EVL: variants seen among roughly 807,000 people sequenced by gnomAD.
EVL encodes Enah/Vasp-like.
In EVL, 21 loss-of-function variants were observed where a neutral mutation model predicts 59.6. The ratio of observed to expected loss-of-function variants is 0.35; its 90% CI spans 0.25 to 0.51. The LOEUF is 0.51. EVL is among the 20% of genes least tolerant of loss of function. The pLI is 0.97. For synonymous variants in EVL, 198 were observed against 203.5 expected, an observed-to-expected ratio of 0.97 and a Z score of 0.23; for missense variants, 462 against 546.6, an observed-to-expected ratio of 0.85 and a Z score of 1.54.
chr14:100,057,939 C>T (rs1185021434), intron 1 of EVL, among the ~76,000 whole-genome samples: 2 of 152,208 alleles, frequency 1.3e-5, no homozygotes, highest in African/African-American at 4.8e-5. Flanking sequence ...GACACAAGGG[C>T]TTTGTACTCA....
chr14:99,980,866 G>A (rs2060801432), intron 1 of EVL, among the ~76,000 whole-genome samples: 2 of 152,228 alleles, frequency 1.3e-5, no homozygotes, highest in African/African-American at 4.8e-5. Context: ...TGGTGATTTT[G>A]TTTGTATTTA....
intron 3 of EVL, among the ~76,000 whole-genome samples, chr14:100,099,193 A>G (rs868090826): frequency 6.6e-6 from 1 of 151,928 alleles, no homozygotes; most frequent in Non-Finnish European, 1.5e-5. Flanking sequence ...AAAAAAAAAA[A>G]AAAAAAGAAA....
At chr14:100,104,673 CATAACAGTT>C (rs1381703454) in intron 3 of EVL, among the ~76,000 whole-genome samples, 1 of 152,206 alleles carries the variant, frequency 6.6e-6, no homozygotes, top group African/African-American at 2.4e-5. Context: ...TAAAAATAGT[CATAACAGTT>C]ACCAGTCCTC....
chr14:100,136,599 G>A (rs1888806618), intron 9 of EVL, among the ~76,000 whole-genome samples: 1 of 152,084 alleles, frequency 6.6e-6, no homozygotes, highest in African/African-American at 2.4e-5. Flanking sequence ...GGAGAGACAG[G>A]GGCATCAGGC....
chr14:100,038,672 A>G (rs2061422334), intron 1 of EVL, among the ~76,000 whole-genome samples: 1 of 152,046 alleles, frequency 6.6e-6, no homozygotes, highest in South Asian at 2.1e-4. Flanking sequence ...CTAGAACTTC[A>G]CTGATATCCC....
rs181065529 is a variant in EVL, at chr14:99,979,074, C to A, written c.5+7017C>A. Reference sequence around the variant, plus strand: ...TATTTTCATATTTTCATTGAGAAATCGTTTTTTGAAGGCTTACTGTTGTCT... The same window carrying A: ...TATTTTCATATTTTCATTGAGAAATAGTTTTTTGAAGGCTTACTGTTGTCT... On this transcript the variant is annotated intron_variant, in intron 1 of 13. Transcript: ENST00000402714. 1.1e-3 allele frequency among the ~76,000 whole-genome samples: 173 copies of A among 152,164 alleles called. 1 individual carries two copies. Among genetic ancestry groups the A allele is most frequent in the Middle Eastern group, 6.8e-3 (2 of 294 alleles).
At chr14:100,056,157 A>G (rs1756196366) in intron 1 of EVL, among the ~76,000 whole-genome samples, 2 of 151,626 alleles carry the variant, frequency 1.3e-5, no homozygotes, top group South Asian at 4.2e-4. Flanking sequence ...TGACCCTTTC[A>G]GTCTTGAGCT....
In EVL at chr14:100,048,596, A is replaced by G. The variant is rs553944337; in HGVS notation, c.6-36091A>G. Among the ~76,000 whole-genome samples, 5 of 152,336 alleles carry G rather than the reference A, an allele frequency of 3.3e-5. No individual in the cohort carries two copies. The South Asian group carries it at 8.3e-4, about 25-fold the overall frequency. ...TTATAAAGTTTTACATACAGTTAAC[A>G]TATAACCCAGCAATCCTACATAGTC... On this transcript the variant is annotated intron_variant, in intron 1 of 13. Coordinates refer to the EVL transcript ENST00000402714.
upstream of EVL, among the ~76,000 whole-genome samples, chr14:100,064,864 C>T (rs1400518735): frequency 6.6e-6 from 1 of 152,162 alleles, no homozygotes; most frequent in Non-Finnish European, 1.5e-5. Context: ...GAGCCAAGAT[C>T]GTGCCATTGC....
intron 3 of EVL, chr14:100,102,229 C>A (rs1366011875): frequency 7.0e-5 from 32 of 455,546 alleles, no homozygotes; most frequent in Non-Finnish European, 1.8e-5. Flanking sequence ...GTACCTTTGA[C>A]AAGTGCAGCG....
intron 1 of EVL, among the ~76,000 whole-genome samples, chr14:100,030,739 C>T (rs1284659855): frequency 6.6e-6 from 1 of 152,188 alleles, no homozygotes; most frequent in Non-Finnish European, 1.5e-5. Context: ...TAATAAGTTC[C>T]TTGCAGTTGA....
chr14:100,087,998 C>A (rs2062483631), intron 2 of EVL, among the ~76,000 whole-genome samples: 1 of 152,148 alleles, frequency 6.6e-6, no homozygotes, highest in South Asian at 2.1e-4. Flanking sequence ...CTGAAGGGTT[C>A]CATGTGGAAG....
At chr14:100,019,722 G>A in intron 1 of EVL, 1 of 1,528,356 alleles carries the variant, frequency 6.5e-7, no homozygotes, top group South Asian at 1.2e-5. Context: ...GTCTGCTGCT[G>A]GCTTTTTGTT....
intron 3 of EVL, among the ~76,000 whole-genome samples, chr14:100,099,542 C>T (rs1420290393): frequency 6.6e-6 from 1 of 152,132 alleles, no homozygotes; most frequent in Non-Finnish European, 1.5e-5. Context: ...CTGCTTAGTA[C>T]TTGGAGAGCA....
intron 1 of EVL, among the ~76,000 whole-genome samples, chr14:99,997,857 A>G (rs991989109): frequency 2.0e-5 from 3 of 152,094 alleles, no homozygotes; most frequent in Non-Finnish European, 2.9e-5. Flanking sequence ...GAAATACTCT[A>G]TACAGTTCCC....
At chr14:100,043,265 G>A (rs913208880) in intron 1 of EVL, among the ~76,000 whole-genome samples, 4 of 151,092 alleles carry the variant, frequency 2.6e-5, no homozygotes, top group South Asian at 2.1e-4. Flanking sequence ...ATGTGTGTGT[G>A]TATATATATA....
At chr14:100,137,882 C>A in intron 11 of EVL, 80 bp downstream of exon 11, 1 of 1,345,414 alleles carries the variant, frequency 7.4e-7, no homozygotes, top group Non-Finnish European at 1.1e-6. Flanking sequence ...AACACCCTTG[C>A]ACGCTGTCTC....
At chr14:99,984,730 C>CAG (rs934257036) in intron 1 of EVL, among the ~76,000 whole-genome samples, 1 of 152,140 alleles carries the variant, frequency 6.6e-6, no homozygotes, top group African/African-American at 2.4e-5. Flanking sequence ...TCTCCTGTCT[C>CAG]AGCCTCCCGA....
intron 1 of EVL, among the ~76,000 whole-genome samples, chr14:100,003,719 G>A (rs12881307): frequency 0.05 from 7,641 of 152,146 alleles, 244 homozygotes; most frequent in African/African-American, 0.07. Flanking sequence ...ACACCTGGCC[G>A]ATAACCTTAA....
Sources: gnomAD v4.1 joint callset for allele counts (sites outside exome capture counted in the v4.1 genomes callset) on GRCh38, gnomAD v4.1.1 for gene constraint, MANE v1.5 for transcripts, NCBI Gene and HGNC (gene_info 2026-07-23, HGNC 2026-07-21) for gene names.